MMRN1: variants seen among roughly 807,000 people sequenced by gnomAD.
The protein encoded by MMRN1 is multimerin-1.
In MMRN1, 94 loss-of-function variants were observed where a neutral mutation model predicts 100.7. The observed-to-expected ratio is 0.93, with a 90% CI of 0.79 to 1.11. The LOEUF is 1.11. Among genes scored for constraint, MMRN1 ranks in the 50% least tolerant of loss-of-function variants. The pLI is 0.00. For synonymous variants in MMRN1, 575 were observed against 505.0 expected (o/e 1.14, Z -1.86); for missense variants, 1,606 against 1,439.1 (o/e 1.12, Z -1.88).
chr4:89,900,678 A>G (rs551192466), intron 1 of MMRN1, among the ~76,000 whole-genome samples: 1 of 152,236 alleles, frequency 6.6e-6, no homozygotes, highest in South Asian at 2.1e-4. Context: ...CCAGGTGCAT[A>G]GAAAGAGCTC....
At chr4:89,950,059 T>C (rs1411794740) in intron 6 of MMRN1, among the ~76,000 whole-genome samples, 1 of 152,240 alleles carries the variant, frequency 6.6e-6, no homozygotes, top group Non-Finnish European at 1.5e-5. Context: ...TTATGCATTA[T>C]GTTTATAACC....
intron 7 of MMRN1, among the ~76,000 whole-genome samples, chr4:89,952,763 T>C (rs1578509703): frequency 6.6e-6 from 1 of 152,272 alleles, no homozygotes; most frequent in East Asian, 1.9e-4. Context: ...GTTATTTTTA[T>C]TCTGTCCTGA....
chr4:89,912,088 A>G, intron 3 of MMRN1, 38 bp downstream of exon 3: 1 of 1,372,528 alleles, frequency 7.3e-7, no homozygotes, highest in Admixed American at 2.3e-5. Context: ...TCTGAACAAT[A>G]AGAAACTGAT....
upstream of MMRN1, among the ~76,000 whole-genome samples, chr4:89,890,734 G>C (rs947978386): frequency 1.3e-5 from 2 of 151,928 alleles, no homozygotes; most frequent in African/African-American, 4.8e-5. Context: ...TGCGTAAATG[G>C]GAAATATAAA....
chr4:89,936,979 C>A lies in MMRN1; in HGVS notation c.3118+181C>A, dbSNP rs34227870. ...TGAATCTATCTTACAGTATTTCAGA[C>A]ATCAATACAAAACAAATATTTCTAG... On this transcript the variant is annotated intron_variant, in intron 6 of 7. Transcript: ENST00000264790. Among the ~76,000 whole-genome samples, 1,311 of 152,084 alleles carry A rather than the reference C, an allele frequency of 8.6e-3. 59 individuals are homozygous for A. The highest frequency in any genetic ancestry group is 0.079 in the Admixed American group (1,203 of 15,238).
chr4:89,921,321 A>G (rs1366672281), intron 3 of MMRN1, among the ~76,000 whole-genome samples: 2 of 152,150 alleles, frequency 1.3e-5, no homozygotes, highest in African/African-American at 4.8e-5. Context: ...GGACTCTAGA[A>G]GTTCTACCTC....
At chr4:89,923,126 C>A in intron 3 of MMRN1, 42 bp from the exon 4 acceptor site, 2 of 1,505,368 alleles carry the variant, frequency 1.3e-6, no homozygotes, top group South Asian at 2.3e-5. Flanking sequence ...TGAGGCTGTC[C>A]CAGTGCTTAA....
intron 6 of MMRN1, among the ~76,000 whole-genome samples, chr4:89,951,094 AT>A (rs1224068150): frequency 6.6e-6 from 1 of 152,086 alleles, no homozygotes; most frequent in Non-Finnish European, 1.5e-5. Context: ...CTTTGAAAGA[AT>A]TTTTTAAAAT....
intron 3 of MMRN1, among the ~76,000 whole-genome samples, chr4:89,915,519 T>C (rs1387569078): frequency 6.6e-6 from 1 of 151,462 alleles, no homozygotes; most frequent in Non-Finnish European, 1.5e-5. Flanking sequence ...CATTACTGAG[T>C]TGCCATTAAT....
At chr4:89,913,412 C>T (rs1371643349) in intron 3 of MMRN1, among the ~76,000 whole-genome samples, 1 of 151,260 alleles carries the variant, frequency 6.6e-6, no homozygotes, top group African/African-American at 2.4e-5. Flanking sequence ...AATGAAATGT[C>T]ATGGACTCTA....
chr4:89,893,431 G>A (rs1721099623), upstream of MMRN1, among the ~76,000 whole-genome samples: 1 of 151,954 alleles, frequency 6.6e-6, no homozygotes, highest in Non-Finnish European at 1.5e-5. Flanking sequence ...TTCAAATCCT[G>A]GTGCACTGTG....
At chr4:89,918,505 A>G (rs952782937) in intron 3 of MMRN1, among the ~76,000 whole-genome samples, 12 of 151,896 alleles carry the variant, frequency 7.9e-5, no homozygotes, top group Admixed American at 3.3e-4. Context: ...TTATTATTTT[A>G]ATTTTTAGCA....
At chr4:89,929,350 C>G (rs549792917) in intron 5 of MMRN1, among the ~76,000 whole-genome samples, 1 of 152,006 alleles carries the variant, frequency 6.6e-6, no homozygotes, top group Non-Finnish European at 1.5e-5. Context: ...CATAGCTCAA[C>G]AACAATTATG....
At chr4:89,939,363 A>G (rs1469887713) in intron 6 of MMRN1, among the ~76,000 whole-genome samples, 1 of 152,108 alleles carries the variant, frequency 6.6e-6, no homozygotes, top group Non-Finnish European at 1.5e-5. Flanking sequence ...AAGCATATAA[A>G]TATAGTGTTT....
At position 89,954,297 on chromosome 4, in the gene MMRN1, A is replaced by G. The variant is rs558875534; in HGVS notation, c.*879A>G. Reference sequence around the variant, plus strand: ...TCACAATAACCCTTGTAAAGTGGGCATGATTACCATGATTTTTATAGTTGA... The same window carrying G: ...TCACAATAACCCTTGTAAAGTGGGCGTGATTACCATGATTTTTATAGTTGA... On this transcript the variant is annotated 3_prime_UTR_variant, in exon 8 of 8. Transcript: ENST00000264790. 1 of 152,256 alleles carries G rather than the reference A, an allele frequency of 6.6e-6. No individual in the cohort carries two copies. The highest frequency in any genetic ancestry group is 1.9e-4 in the East Asian group (1 of 5,174). 9.4% of individuals were successfully genotyped at this position (152,256 alleles called of 1,614,324 possible). A position where few individuals can be genotyped will look rare whatever the true frequency, so the allele number is the denominator to read the frequency against.
intron 3 of MMRN1, among the ~76,000 whole-genome samples, chr4:89,913,095 AG>A (rs1304491051): frequency 6.6e-6 from 1 of 151,314 alleles, no homozygotes; most frequent in African/African-American, 2.4e-5. Flanking sequence ...TAAGGAATTT[AG>A]CATATTTTAA....
intron 6 of MMRN1, among the ~76,000 whole-genome samples, chr4:89,948,298 C>T (rs979679499): frequency 2.6e-5 from 4 of 151,850 alleles, no homozygotes; most frequent in Admixed American, 6.6e-5. Flanking sequence ...GTATTTTTAT[C>T]GATAACTTGG....
intron 1 of MMRN1, among the ~76,000 whole-genome samples, chr4:89,883,913 T>G (rs1720875657): frequency 6.6e-6 from 1 of 152,082 alleles, no homozygotes; most frequent in Admixed American, 6.6e-5. Flanking sequence ...AAATTAATTT[T>G]TGGATTTGGA....
intron 4 of MMRN1, among the ~76,000 whole-genome samples, chr4:89,926,186 T>G (rs761747613): frequency 1.6e-4 from 25 of 152,174 alleles, no homozygotes; most frequent in Non-Finnish European, 3.2e-4. Context: ...TATTTTTAGT[T>G]TTTGAGGAAC....
Sources: gnomAD v4.1 joint callset for allele counts (sites outside exome capture counted in the v4.1 genomes callset) on GRCh38, gnomAD v4.1.1 for gene constraint, MANE v1.5 for transcripts, NCBI Gene and HGNC (gene_info 2026-07-23, HGNC 2026-07-21) for gene names.